Variants in ADRA1B observed in about 807,000 individuals in gnomAD.
The protein encoded by ADRA1B is adrenoceptor alpha 1B, also known as alpha-1B adrenergic receptor.
In ADRA1B, 17 loss-of-function variants were observed where a neutral mutation model predicts 17.9. The observed-to-expected ratio is 0.95, with a 90% CI of 0.65 to 1.42. ADRA1B has a LOEUF of 1.42. ADRA1B is among the 40% of genes most tolerant of loss of function. The pLI is 0.00. For missense variants in ADRA1B, 681 were observed against 722.1 expected (o/e 0.94, Z 0.65); for synonymous variants, 366 against 327.6 (o/e 1.12, Z -1.27).
In ADRA1B at chr5:159,971,966, T is replaced by A; in HGVS notation, c.1037T>A (p.Ile346Asn). The change falls in exon 2 of 2, where the codon ATC (isoleucine) becomes AAC (asparagine). Residue 346 changes from isoleucine (I) to asparagine (N), a missense_variant. Ile to Asn is a moderately radical substitution (Grantham distance 149). Transcript: ENST00000306675. Reference protein sequence around the residue: ...LGYFNSCLNPIIYPCSSKEFK... With the variant: ...LGYFNSCLNPNIYPCSSKEFK... ...TACTTCAACAGCTGCCTCAACCCCA[T>A]CATCTACCCATGCTCCAGCAAGGAG... The A allele has an allele frequency of 7.0e-7, 1 of 1,425,544 alleles. No individual in the cohort carries two copies. The highest frequency in any genetic ancestry group is 9.3e-7 in the Non-Finnish European group (1 of 1,076,744). The allele number at this position is 1,425,544 out of a possible 1,614,324, so 88.3% of individuals were successfully genotyped here. A position where few individuals can be genotyped will look rare whatever the true frequency, so the allele number is the denominator to read the frequency against.
At chr5:159,874,617 C>A (rs548919872) in intron 1 of ADRA1B, among the ~76,000 whole-genome samples, 22 of 152,322 alleles carry the variant, frequency 1.4e-4, no homozygotes, top group Admixed American at 9.1e-4. Context: ...TGAAGTCTTG[C>A]AACAAAGGAG....
intron 1 of ADRA1B, among the ~76,000 whole-genome samples, chr5:159,921,256 G>A (rs536115458): frequency 6.6e-6 from 1 of 152,178 alleles, no homozygotes; most frequent in Admixed American, 6.5e-5. Flanking sequence ...CCAGGGACCA[G>A]TGCTCACTTA....
At chr5:159,881,979 T>G (rs1753868319) in intron 1 of ADRA1B, among the ~76,000 whole-genome samples, 1 of 152,102 alleles carries the variant, frequency 6.6e-6, no homozygotes, top group African/African-American at 2.4e-5. Flanking sequence ...CTGGACCTAT[T>G]TGTGGCTCCT....
At chr5:159,952,392 C>T (rs1029767055) in intron 1 of ADRA1B, among the ~76,000 whole-genome samples, 1 of 152,152 alleles carries the variant, frequency 6.6e-6, no homozygotes, top group African/African-American at 2.4e-5. Context: ...CTCAAAACAT[C>T]TTATTGTATG....
intron 1 of ADRA1B, among the ~76,000 whole-genome samples, chr5:159,909,185 C>A (rs760446410): frequency 4.6e-5 from 7 of 152,306 alleles, no homozygotes; most frequent in East Asian, 1.9e-4. Flanking sequence ...GCTGCTCCCC[C>A]CTTCACTATG....
At chr5:159,962,731 T>C (rs114946595) in intron 1 of ADRA1B, among the ~76,000 whole-genome samples, 1,721 of 148,208 alleles carry the variant, frequency 0.012, 31 homozygotes, top group African/African-American at 0.037. Context: ...AATGCAGTGA[T>C]GCGATCATAG....
chr5:159,969,935 T>TAAA lies in ADRA1B; in HGVS notation c.950-1936_950-1934dup, dbSNP rs573102913. ...CAGAGTATTATTAATTGCATTTTTT[T>TAAA]AAAAAAAAAACACATTTTTATTCAA... On this transcript the variant is annotated intron_variant, in intron 1 of 1. Transcript: ENST00000306675. Among the ~76,000 whole-genome samples the TAAA allele has an allele frequency of 2.2e-3, 331 of 149,202 alleles. 1 individual carries two copies. Among genetic ancestry groups the TAAA allele is most frequent in the African/African-American group, 6.8e-3 (272 of 40,194 alleles).
chr5:159,947,794 G>A (rs905078151), intron 1 of ADRA1B: 26 of 985,268 alleles, frequency 2.6e-5, no homozygotes, highest in South Asian at 4.7e-5. Context: ...GTCTGGCCAC[G>A]TGAGGGACAC....
chr5:159,866,903 C>A (rs1286473235), intron 1 of ADRA1B: 5 of 152,096 alleles, frequency 3.3e-5, no homozygotes, highest in African/African-American at 4.8e-5. Context: ...AGGGATAAGC[C>A]GGGTTAGTTA....
intron 1 of ADRA1B, among the ~76,000 whole-genome samples, chr5:159,960,468 T>C (rs1238550111): frequency 2.0e-5 from 3 of 152,222 alleles, no homozygotes; most frequent in African/African-American, 7.2e-5. Context: ...AATCCCAAGA[T>C]ACACACAAAA....
At chr5:159,871,973 G>A (rs1405051810) in intron 1 of ADRA1B, among the ~76,000 whole-genome samples, 1 of 152,024 alleles carries the variant, frequency 6.6e-6, no homozygotes, top group African/African-American at 2.4e-5. Flanking sequence ...ACTACTTTAT[G>A]TACTCATGAG....
intron 1 of ADRA1B, among the ~76,000 whole-genome samples, chr5:159,923,854 C>T (rs1272774612): frequency 6.6e-6 from 1 of 152,258 alleles, no homozygotes; most frequent in African/African-American, 2.4e-5. Context: ...TCTTATGCAG[C>T]CAGCACCACA....
chr5:159,870,003 T>C (rs1753714676), intron 1 of ADRA1B: 1 of 152,222 alleles, frequency 6.6e-6, no homozygotes, highest in Admixed American at 6.5e-5. Context: ...ACATCAATCC[T>C]ACGTTTCTTG....
intron 1 of ADRA1B, among the ~76,000 whole-genome samples, chr5:159,939,316 T>A (rs372472643): frequency 8.4e-6 from 1 of 119,592 alleles, no homozygotes; most frequent in South Asian, 2.6e-4. Flanking sequence ...TGTGTGTGTG[T>A]GTGTGTGCGC....
rs1339065665 is a variant in ADRA1B at position 159,917,188 on chromosome 5, A to G, written c.283A>G (p.Ser95Gly). Residue 95 changes from serine to glycine, a missense_variant, in exon 1 of 2, where the codon AGC (serine) becomes GGC (glycine). By Grantham distance (56) the Ser-to-Gly change is moderately conservative (BLOSUM62 0). Around this residue, in one of 3 missense-constraint regions of ADRA1B, gnomAD observed 424 missense variants for 480.2 expected, o/e 0.88. Transcript: ENST00000306675. ...CCTGGCCATGGCCGACCTGCTGTTG[A>G]GCTTCACCGTCCTGCCCTTCTCAGC... ...VNLAMADLLL[S>G]FTVLPFSAAL... is the part of the protein sequence containing the mutation. 11 of 1,613,930 alleles carry G rather than the reference A, an allele frequency of 6.8e-6. No individual in the cohort carries two copies. The highest frequency in any genetic ancestry group is 8.5e-6 in the Non-Finnish European group (10 of 1,180,032).
intron 1 of ADRA1B, among the ~76,000 whole-genome samples, chr5:159,947,198 G>C (rs13188527): frequency 0.12 from 17,547 of 152,048 alleles, 1,269 homozygotes; most frequent in Non-Finnish European, 0.16. Flanking sequence ...AAAAATTAGC[G>C]AGGTGTGGTG....
At chr5:159,889,324 C>T (rs1221982334) in intron 1 of ADRA1B, among the ~76,000 whole-genome samples, 1 of 151,788 alleles carries the variant, frequency 6.6e-6, no homozygotes, top group Non-Finnish European at 1.5e-5. Context: ...TCTATCCTCC[C>T]TCTCCCCATC....
chr5:159,946,247 C>T (rs1056249368), intron 1 of ADRA1B, among the ~76,000 whole-genome samples: 6 of 152,184 alleles, frequency 3.9e-5, no homozygotes, highest in Non-Finnish European at 8.8e-5. Context: ...AGAGAATTCC[C>T]TGGTAAATTG....
chr5:159,891,193 G>A (rs901768646), intron 1 of ADRA1B, among the ~76,000 whole-genome samples: 2 of 152,160 alleles, frequency 1.3e-5, no homozygotes, highest in Non-Finnish European at 2.9e-5. Flanking sequence ...TTAACCCAAC[G>A]ATACTAATTT....
Sources: allele counts gnomAD v4.1 joint callset (sites outside exome capture counted in the v4.1 genomes callset), GRCh38; gene constraint gnomAD v4.1.1; regional missense constraint gnomAD v4.1.1; transcripts MANE v1.5; gene names NCBI Gene and HGNC (gene_info 2026-07-23, HGNC 2026-07-21).